The following GREM1 variants were observed in gnomAD, a reference collection of about 807,000 sequenced individuals.
The protein encoded by GREM1 is gremlin 1, DAN family BMP antagonist.
A neutral mutation model predicts 13.1 loss-of-function variants in GREM1; 6 were observed. The observed-to-expected ratio is 0.46, with a 90% CI of 0.25 to 0.91. The LOEUF (loss-of-function observed/expected upper bound fraction) is 0.91, where lower values mean the gene tolerates loss of function less well. GREM1 is among the 40% of genes least tolerant of loss of function. The pLI, the probability that GREM1 is intolerant of heterozygous loss-of-function variation, is 0.18. For synonymous variants in GREM1, 98 were observed against 93.7 expected (o/e 1.05, Z -0.27); for missense variants, 185 against 233.9 (o/e 0.79, Z 1.36).
At chr15:32,722,475 G>A (rs146244800) in intron 1 of GREM1, among the ~76,000 whole-genome samples, 1 of 152,240 alleles carries the variant, frequency 6.6e-6, no homozygotes, top group Admixed American at 6.5e-5. Flanking sequence ...ACAGCAAGAA[G>A]AGGGATGGAA....
rs1232130917 is a variant in GREM1 at position 32,739,386 on chromosome 15, T to G, written c.*8141T>G. 6.6e-6 allele frequency: 1 copy of G among 152,182 alleles called. No individual in the cohort carries two copies. Among genetic ancestry groups the G allele is most frequent in the Non-Finnish European group, 1.5e-5 (1 of 68,030 alleles). The allele number at this position is 152,182 out of a possible 1,614,324, so 9.4% of individuals were successfully genotyped here. ...ATCACTGAAGTGTGCATTCCTAAACTCAACACCTTAGTCTGGTTGCAAACA... is the reference window on the plus strand; with the variant it reads ...ATCACTGAAGTGTGCATTCCTAAACGCAACACCTTAGTCTGGTTGCAAACA... On this transcript the variant is annotated 3_prime_UTR_variant, in exon 2 of 2. Coordinates refer to ENST00000651154, the MANE Select transcript of GREM1 (RefSeq NM_013372.7).
rs2055753417 is a variant in GREM1 at position 32,740,684 on chromosome 15, G to A, written c.*9439G>A. 1.3e-5 allele frequency: 2 copies of A among 152,186 alleles called. No homozygotes were observed. Among genetic ancestry groups the A allele is most frequent in the Non-Finnish European group, 1.5e-5 (1 of 68,044 alleles). The allele number at this position is 152,186 out of a possible 1,614,324, so 9.4% of individuals were successfully genotyped here. On this transcript the variant is annotated 3_prime_UTR_variant, in exon 2 of 2. Transcript: ENST00000651154. The stretch of plus-strand genomic sequence containing the variant: ...CTGAGAACGTATTCAAAGAAATAAT[G>A]GCTGAACACTTCCCAAATATGAGGA...
Position 32,718,005 on chromosome 15 carries a change from C to T in GREM1, c.-158C>T. The T allele has an allele frequency of 9.3e-7, 1 of 1,073,084 alleles. No individual in the cohort carries two copies. Among genetic ancestry groups the T allele is most frequent in the Non-Finnish European group, 1.1e-6 (1 of 885,046 alleles). The allele number at this position is 1,073,084 out of a possible 1,614,324, so 66.5% of individuals were successfully genotyped here. ...ACGGGAGACGGCGCGATGCCTGGCA[C>T]TCGGTGCGCCTTCCGCGGACCGGGC... On this transcript the variant is annotated 5_prime_UTR_variant, in exon 1 of 2. Transcript: ENST00000651154.
At chr15:32,724,257 G>C in intron 1 of GREM1, among the ~76,000 whole-genome samples, 1 of 152,232 alleles carries the variant, frequency 6.6e-6, no homozygotes, top group East Asian at 1.9e-4. Flanking sequence ...GCCTTATGAG[G>C]TAAACTTGTC....
chr15:32,741,339 T>G lies in GREM1; in HGVS notation c.*10094T>G, dbSNP rs573290044. 1.3e-5 allele frequency: 2 copies of G among 152,014 alleles called. No homozygotes were observed. The highest frequency in any genetic ancestry group is 4.8e-5 in the African/African-American group (2 of 41,518). 9.4% of individuals were successfully genotyped at this position (152,014 alleles called of 1,614,324 possible). Reference sequence around the variant, plus strand: ...AAACAGTATCTAAGCCTTGTTTTTATGATATTGGGGAACAGTAACAGATCA... The same window carrying G: ...AAACAGTATCTAAGCCTTGTTTTTAGGATATTGGGGAACAGTAACAGATCA... On this transcript the variant is annotated 3_prime_UTR_variant, in exon 2 of 2. Transcript: ENST00000651154.
Position 32,720,761 on chromosome 15 carries a change from C to A in GREM1, c.-2+2600C>A, listed in dbSNP as rs1204286814. Among the ~76,000 whole-genome samples, 3 of 152,248 alleles carry A rather than the reference C, an allele frequency of 2.0e-5. No individual in the cohort carries two copies. In the East Asian group the frequency reaches 5.8e-4, roughly 29 times the overall value. ...TTATAGCACTCTTCAAATTGTATTG[C>A]ATTAGAAAACATATCCATTGACCCA... is the stretch of plus-strand genomic sequence containing the variant. On this transcript the variant is annotated intron_variant, in intron 1 of 1. Coordinates refer to ENST00000651154, the MANE Select transcript of GREM1 (RefSeq NM_013372.7).
In GREM1 at chr15:32,739,292, C is replaced by T. The variant is rs2055741618; in HGVS notation, c.*8047C>T. The T allele has an allele frequency of 6.6e-6, 1 of 152,158 alleles. No individual in the cohort carries two copies. Among genetic ancestry groups the T allele is most frequent in the Admixed American group, 6.5e-5 (1 of 15,286 alleles). The allele number at this position is 152,158 out of a possible 1,614,324, so 9.4% of individuals were successfully genotyped here. A position where few individuals can be genotyped will look rare whatever the true frequency, so the allele number is the denominator to read the frequency against. On this transcript the variant is annotated 3_prime_UTR_variant, in exon 2 of 2. Transcript: ENST00000651154. ...ACCCCACCTCAATTTTAATCTTTTT[C>T]TGTACCACTACAGTTATAATTCTCC...
At chr15:32,727,667 AG>A (rs2055536886) in intron 1 of GREM1, among the ~76,000 whole-genome samples, 1 of 151,594 alleles carries the variant, frequency 6.6e-6, no homozygotes, top group African/African-American at 2.4e-5. Context: ...AAATAAATAA[AG>A]GGTATTCAAA....
Position 32,733,567 on chromosome 15 carries a change from A to G in GREM1, c.*2322A>G, listed in dbSNP as rs944451644. On this transcript the variant is annotated 3_prime_UTR_variant, in exon 2 of 2. Transcript: ENST00000651154. The stretch of plus-strand genomic sequence containing the variant: ...GGATAATCAGCAGCGTAACTACCCT[A>G]AAAGCATATCACTAGCCAAAGAGGG... 1.3e-5 allele frequency: 3 copies of G among 233,096 alleles called. No individual in the cohort carries two copies. The Admixed American group carries it at 1.7e-4, about 14-fold the overall frequency. The allele number at this position is 233,096 out of a possible 1,614,324, so 14.4% of individuals were successfully genotyped here. A position where few individuals can be genotyped will look rare whatever the true frequency, so the allele number is the denominator to read the frequency against.
rs2055634254 is a variant in GREM1 at position 32,732,348 on chromosome 15, A to G, written c.*1103A>G. 4.1e-6 allele frequency: 1 copy of G among 241,978 alleles called. No homozygotes were observed. The highest frequency in any genetic ancestry group is 2.2e-5 in the African/African-American group (1 of 45,024). The allele number at this position is 241,978 out of a possible 1,614,324, so 15.0% of individuals were successfully genotyped here. A position where few individuals can be genotyped will look rare whatever the true frequency, so the allele number is the denominator to read the frequency against. The stretch of plus-strand genomic sequence containing the variant: ...TCCCATAATGCTTCTGAGAGCCACT[A>G]ACTTGATTGATAAAGATCCTGCCTC... On this transcript the variant is annotated 3_prime_UTR_variant, in exon 2 of 2. Transcript: ENST00000651154.
intron 1 of GREM1, 107 bp from the exon 2 acceptor site, chr15:32,730,583 G>A (rs2055598602): frequency 4.2e-6 from 3 of 718,684 alleles, no homozygotes; most frequent in Middle Eastern, 3.8e-4. Flanking sequence ...AATATTTCAC[G>A]TTAAGTGTTT....
rs1360473796 is a variant in GREM1 at position 32,736,223 on chromosome 15, A to G, written c.*4978A>G. On this transcript the variant is annotated 3_prime_UTR_variant, in exon 2 of 2. Transcript: ENST00000651154. ...TGACTGGAAGCTTCCCAGGGTAAAA[A>G]ACTTTGTCAAAACAACTAGAGGCAA... The G allele has an allele frequency of 4.6e-5, 7 of 152,178 alleles. No homozygotes were observed. The highest frequency in any genetic ancestry group is 6.5e-5 in the Admixed American group (1 of 15,278). 9.4% of individuals were successfully genotyped at this position (152,178 alleles called of 1,614,324 possible).
chr15:32,724,061 TA>T (rs1447194966), intron 1 of GREM1, among the ~76,000 whole-genome samples: 1 of 152,202 alleles, frequency 6.6e-6, no homozygotes, highest in Non-Finnish European at 1.5e-5. Context: ...CAAATTTTTA[TA>T]AGCACCTGCC....
At position 32,742,548 on chromosome 15, in the gene GREM1, A is replaced by G. The variant is rs2055771190; in HGVS notation, c.*11303A>G. On this transcript the variant is annotated 3_prime_UTR_variant, in exon 2 of 2. Coordinates refer to ENST00000651154, the MANE Select transcript of GREM1 (RefSeq NM_013372.7). ...ATTCTAAAATTCATCTGAAGCCACA[A>G]AAGACAATGAATAAACAAATCAATC... 1 of 152,218 alleles carries G rather than the reference A, an allele frequency of 6.6e-6. No homozygotes were observed. Among genetic ancestry groups the G allele is most frequent in the South Asian group, 2.1e-4 (1 of 4,826 alleles). 9.4% of individuals were successfully genotyped at this position (152,218 alleles called of 1,614,324 possible).
At position 32,735,377 on chromosome 15, in the gene GREM1, G is replaced by T. The variant is rs1331530731; in HGVS notation, c.*4132G>T. ...TCTTCACGGTAGCTCAGTGAGGTAG[G>T]TACCATTATCACTGCTAGAAAGCAG... On this transcript the variant is annotated 3_prime_UTR_variant, in exon 2 of 2. Transcript: ENST00000651154. 3 of 152,156 alleles carry T rather than the reference G, an allele frequency of 2.0e-5. No homozygotes were observed. In the East Asian group the frequency reaches 5.8e-4, roughly 29 times the overall value. The allele number at this position is 152,156 out of a possible 1,614,324, so 9.4% of individuals were successfully genotyped here. A position where few individuals can be genotyped will look rare whatever the true frequency, so the allele number is the denominator to read the frequency against.
chr15:32,719,831 C>T (rs774307389), intron 1 of GREM1, among the ~76,000 whole-genome samples: 27 of 152,126 alleles, frequency 1.8e-4, no homozygotes, highest in Non-Finnish European at 3.2e-4. Context: ...CCTCTTTCAT[C>T]CCTAGGGCTT....
rs767579208 is a variant in GREM1, at chr15:32,730,840, C to G, written c.150C>G (p.Pro50=). The part of the protein sequence containing the change: ...QHNDSEQTQS[P]QQPGSRNRGR... ...ATGACTCAGAGCAGACTCAGTCGCC[C>G]CAGCAGCCTGGCTCCAGGAACCGGG... The change falls in exon 2 of 2, where the codon CCC becomes CCG. Residue 50 remains proline (P), a synonymous_variant. Transcript: ENST00000651154. 3 of 1,613,804 alleles carry G rather than the reference C, an allele frequency of 1.9e-6. No individual in the cohort carries two copies. Among genetic ancestry groups the G allele is most frequent in the South Asian group, 2.2e-5 (2 of 91,058 alleles).
Position 32,732,136 on chromosome 15 carries a change from C to T in GREM1, c.*891C>T, listed in dbSNP as rs1232492807. ...CTGAAAACATAAATACTGACCACTC[C>T]TATGTTCGGACCCAAGCAAGTTAGC... On this transcript the variant is annotated 3_prime_UTR_variant, in exon 2 of 2. Coordinates refer to ENST00000651154, the MANE Select transcript of GREM1 (RefSeq NM_013372.7). 2 of 243,032 alleles carry T rather than the reference C, an allele frequency of 8.2e-6. No individual in the cohort carries two copies. The highest frequency in any genetic ancestry group is 1.7e-5 in the Non-Finnish European group (2 of 114,976). 15.1% of individuals were successfully genotyped at this position (243,032 alleles called of 1,614,324 possible).
At position 32,738,007 on chromosome 15, in the gene GREM1, A is replaced by G; in HGVS notation, c.*6762A>G. 1 of 142,652 alleles carries G rather than the reference A, an allele frequency of 7.0e-6. No homozygotes were observed. The highest frequency in any genetic ancestry group is 1.5e-5 in the Non-Finnish European group (1 of 66,064). 8.8% of individuals were successfully genotyped at this position (142,652 alleles called of 1,614,324 possible). A position where few individuals can be genotyped will look rare whatever the true frequency, so the allele number is the denominator to read the frequency against. On this transcript the variant is annotated 3_prime_UTR_variant, in exon 2 of 2. Coordinates refer to ENST00000651154, the MANE Select transcript of GREM1 (RefSeq NM_013372.7). ...GTGAAAGACTGAAAGCTTTCCCCCA[A>G]GAGGAACTAACAGGATATCTGCTGT...
Sources: allele counts gnomAD v4.1 joint callset (sites outside exome capture counted in the v4.1 genomes callset), GRCh38; gene constraint gnomAD v4.1.1; transcripts MANE v1.5; gene names NCBI Gene and HGNC (gene_info 2026-07-23, HGNC 2026-07-21).